ZNF652: variants seen among roughly 807,000 people sequenced by gnomAD.
ZNF652 encodes zinc finger protein 652.
A neutral mutation model predicts 45.2 loss-of-function variants in ZNF652; 16 were observed. The observed-to-expected ratio is 0.35, with a 90% CI of 0.24 to 0.54. The LOEUF (loss-of-function observed/expected upper bound fraction) is 0.54, where lower values mean the gene tolerates loss of function less well. Ranked by LOEUF, ZNF652 falls within the 20% of genes least tolerant of loss-of-function variation. The pLI is 0.91. For synonymous variants in ZNF652, 250 were observed against 260.6 expected, an observed-to-expected ratio of 0.96 and a Z score of 0.39; for missense variants, 614 against 765.6, an observed-to-expected ratio of 0.80 and a Z score of 2.34.
chr17:49,350,990 TATATATATATATATATATATATATAC>T (rs1309473145), intron 1 of ZNF652, among the ~76,000 whole-genome samples: 45 of 19,500 alleles, frequency 2.3e-3, no homozygotes, highest in African/African-American at 3.9e-3. Context: ...TATATATATA[TATATATATATATATATATATATATAC>T]ACACACACAC....
At chr17:49,362,272 C>G (rs1035586149), upstream of ZNF652, 1 of 137,526 alleles carries the variant, frequency 7.3e-6, no homozygotes, top group Non-Finnish European at 1.6e-5. Flanking sequence ...CGCGCGCGCC[C>G]GCGCGCGCCC....
At chr17:49,324,610 G>A (rs957000453) in intron 1 of ZNF652, among the ~76,000 whole-genome samples, 1 of 151,658 alleles carries the variant, frequency 6.6e-6, no homozygotes, top group Admixed American at 6.6e-5. Context: ...GGCTGGTCTC[G>A]AACTCCTGAC....
intron 5 of ZNF652, among the ~76,000 whole-genome samples, chr17:49,309,229 C>T (rs1324096190): frequency 2.7e-5 from 4 of 149,824 alleles, no homozygotes; most frequent in Admixed American, 6.7e-5. Context: ...TGCTGGCTCA[C>T]GCCTGTAATC....
intron 1 of ZNF652, among the ~76,000 whole-genome samples, chr17:49,332,848 T>G (rs2070038847): frequency 6.6e-6 from 1 of 152,096 alleles, no homozygotes; most frequent in Non-Finnish European, 1.5e-5. Flanking sequence ...TTCTTCTCCC[T>G]ACCCCCTTTT....
intron 5 of ZNF652, among the ~76,000 whole-genome samples, chr17:49,301,205 C>A (rs1046562759): frequency 3.3e-5 from 5 of 152,276 alleles, no homozygotes; most frequent in Non-Finnish European, 7.4e-5. Context: ...TCCATGGAAG[C>A]CAGAATTTTC....
chr17:49,321,710 A>C (rs2069895517), intron 1 of ZNF652, among the ~76,000 whole-genome samples: 1 of 152,188 alleles, frequency 6.6e-6, no homozygotes, highest in Non-Finnish European at 1.5e-5. Flanking sequence ...ATGAAGCCTT[A>C]GGAGCTGGGT....
At chr17:49,348,516 AAAGAAAAGAAAAGAAAAG>A (rs1162213254) in intron 1 of ZNF652, among the ~76,000 whole-genome samples, 1 of 138,678 alleles carries the variant, frequency 7.2e-6, no homozygotes, top group Non-Finnish European at 1.6e-5. Flanking sequence ...AAAGAAAAGA[AAAGAAAAGAAAAGAAAAG>A]AAAAGAAAAA....
chr17:49,289,173 G>A (rs1163409731), downstream of ZNF652: 1 of 150,820 alleles, frequency 6.6e-6, no homozygotes, highest in Admixed American at 6.6e-5. Flanking sequence ...TCACCTGAGG[G>A]TAAGGAAGAA....
At chr17:49,344,519 T>A (rs1250910348) in intron 1 of ZNF652, among the ~76,000 whole-genome samples, 17 of 14,352 alleles carry the variant, frequency 1.2e-3, no homozygotes, top group African/African-American at 1.9e-3. Flanking sequence ...CAAAGCAAAA[T>A]TTTTTTTTTT....
chr17:49,311,909 A>G lies in ZNF652; in HGVS notation c.1164+18T>C, dbSNP rs768163157. ...CACTAGCCCCTAGGCCTGGGCCTGT[A>G]GGTAGCACATTCCTTACCTCGCATC... On this transcript the variant is annotated intron_variant, in intron 4 of 5. Transcript: ENST00000430262. The G allele has an allele frequency of 1.2e-6, 2 of 1,600,180 alleles. No individual in the cohort carries two copies. Among genetic ancestry groups the G allele is most frequent in the South Asian group, 1.1e-5 (1 of 90,654 alleles).
intron 1 of ZNF652, among the ~76,000 whole-genome samples, chr17:49,327,564 TG>T (rs2069968373): frequency 6.6e-6 from 1 of 151,078 alleles, no homozygotes; most frequent in Admixed American, 6.6e-5. Context: ...AAGATCTACC[TG>T]GGGAGACAGA....
intron 1 of ZNF652, among the ~76,000 whole-genome samples, chr17:49,348,993 A>G (rs532708846): frequency 4.6e-5 from 7 of 152,374 alleles, no homozygotes; most frequent in Non-Finnish European, 1.0e-4. Context: ...AAGAATTAAA[A>G]AAGTGATTTG....
intron 1 of ZNF652, among the ~76,000 whole-genome samples, chr17:49,341,482 A>T (rs1410870028): frequency 2.2e-5 from 2 of 91,048 alleles, no homozygotes; most frequent in African/African-American, 9.6e-5. Context: ...GTACGACCTC[A>T]TCTCTACAAA....
intron 1 of ZNF652, among the ~76,000 whole-genome samples, chr17:49,340,391 A>G (rs2070131979): frequency 6.6e-6 from 1 of 151,986 alleles, no homozygotes; most frequent in African/African-American, 2.4e-5. Flanking sequence ...CCTTGTCTCT[A>G]CTAAATATAC....
At position 49,290,097 on chromosome 17, in the gene ZNF652, T is replaced by C. The variant is rs2069384511; in HGVS notation, c.*8316A>G. The C allele has an allele frequency of 6.6e-6, 1 of 152,218 alleles. No individual in the cohort carries two copies. Among genetic ancestry groups the C allele is most frequent in the African/African-American group, 2.4e-5 (1 of 41,432 alleles). 9.4% of individuals were successfully genotyped at this position (152,218 alleles called of 1,614,324 possible). ...CAATCACAGCTTCAGTTTTGTTTTT[T>C]GTCAAGTGTTGGAGTTACAAGTAGA... is the stretch of plus-strand genomic sequence containing the variant. On this transcript the variant is annotated 3_prime_UTR_variant, in exon 6 of 6. Transcript: ENST00000430262.
At chr17:49,349,707 G>A (rs921027182) in intron 1 of ZNF652, among the ~76,000 whole-genome samples, 3 of 152,054 alleles carry the variant, frequency 2.0e-5, no homozygotes, top group African/African-American at 7.2e-5. Context: ...TGGACTTAGG[G>A]GCTTATAACT....
intron 3 of ZNF652, 26 bp downstream of exon 3, chr17:49,312,672 T>C (rs897057066): frequency 1.2e-6 from 2 of 1,608,032 alleles, no homozygotes; most frequent in African/African-American, 1.3e-5. Flanking sequence ...AAATTATAGG[T>C]ATAAGAGAAA....
At chr17:49,320,450 C>T (rs558844532) in intron 1 of ZNF652, among the ~76,000 whole-genome samples, 26 of 152,298 alleles carry the variant, frequency 1.7e-4, no homozygotes, top group African/African-American at 4.3e-4. Context: ...GTCGCTCAAA[C>T]GACAGAGGTA....
In ZNF652 at chr17:49,295,510, T is replaced by C. The variant is rs989116979; in HGVS notation, c.*2903A>G. The C allele has an allele frequency of 6.6e-6, 1 of 152,532 alleles. No individual in the cohort carries two copies. The highest frequency in any genetic ancestry group is 1.5e-5 in the Non-Finnish European group (1 of 68,018). 9.4% of individuals were successfully genotyped at this position (152,532 alleles called of 1,614,324 possible). A position where few individuals can be genotyped will look rare whatever the true frequency, so the allele number is the denominator to read the frequency against. On this transcript the variant is annotated 3_prime_UTR_variant, in exon 6 of 6. Transcript: ENST00000430262. ...GCAGATATTTTCTTATGGCTATATT[T>C]ACTTGAATGAAAAATCAAAGATGAC... is the stretch of plus-strand genomic sequence containing the variant.
Sources: allele counts gnomAD v4.1 joint callset (sites outside exome capture counted in the v4.1 genomes callset), GRCh38; gene constraint gnomAD v4.1.1; transcripts MANE v1.5; gene names NCBI Gene and HGNC (gene_info 2026-07-23, HGNC 2026-07-21).